Variants in ADAM12 observed in about 807,000 individuals in gnomAD.
ADAM12 encodes the protein disintegrin and metalloproteinase domain-containing protein 12.
ADAM12 carries 70 observed loss-of-function variants against 106.4 expected under a neutral mutation model. The ratio of observed to expected loss-of-function variants is 0.66; its 90% CI spans 0.54 to 0.80. The LOEUF (loss-of-function observed/expected upper bound fraction) is 0.80, where lower values mean the gene tolerates loss of function less well. ADAM12 is among the 30% of genes least tolerant of loss of function. The probability of loss-of-function intolerance (pLI) is 0.00; values close to 1 mark genes in which losing one functional copy is unlikely to be tolerated. For missense variants in ADAM12, 1,010 were observed against 1,171.9 expected (o/e 0.86, Z 2.02); for synonymous variants, 420 against 433.5 (o/e 0.97, Z 0.39).
intron 3 of ADAM12, among the ~76,000 whole-genome samples, chr10:126,277,484 G>C (rs1959321618): frequency 6.6e-6 from 1 of 152,014 alleles, no homozygotes; most frequent in Non-Finnish European, 1.5e-5. Context: ...AGCCTTAGAT[G>C]CTTTTGATCT....
intron 11 of ADAM12, among the ~76,000 whole-genome samples, chr10:126,092,120 T>A (rs1162096976): frequency 6.6e-6 from 1 of 152,232 alleles, no homozygotes; most frequent in Non-Finnish European, 1.5e-5. Flanking sequence ...CTCTCTTCCA[T>A]TGGTTTATCA....
At chr10:126,251,474 G>A (rs367898417) in intron 3 of ADAM12, among the ~76,000 whole-genome samples, 5 of 152,014 alleles carry the variant, frequency 3.3e-5, no homozygotes, top group African/African-American at 1.2e-4. Context: ...GGGATGGATG[G>A]GATGGACAGA....
chr10:126,244,528 G>T (rs935476698), intron 3 of ADAM12, among the ~76,000 whole-genome samples: 2 of 152,216 alleles, frequency 1.3e-5, no homozygotes, highest in African/African-American at 4.8e-5. Flanking sequence ...ATGGTGGGAA[G>T]TTTAGACTAG....
At chr10:126,076,932 G>C (rs1353759678) in intron 11 of ADAM12, among the ~76,000 whole-genome samples, 1 of 152,108 alleles carries the variant, frequency 6.6e-6, no homozygotes, top group Non-Finnish European at 1.5e-5. Context: ...AAAATAAAAG[G>C]CATCCAAATA....
chr10:126,041,921 C>A, intron 18 of ADAM12: 3 of 1,413,126 alleles, frequency 2.1e-6, no homozygotes, highest in Non-Finnish European at 1.8e-6. Flanking sequence ...AGAAGCTCAA[C>A]CAGGAAGTCG....
At chr10:126,050,679 G>A (rs1954458817) in intron 14 of ADAM12, among the ~76,000 whole-genome samples, 1 of 152,168 alleles carries the variant, frequency 6.6e-6, no homozygotes, top group Admixed American at 6.5e-5. Flanking sequence ...GGGAACAGAA[G>A]ATGTTCTTCT....
At chr10:126,360,654 A>C (rs896859190) in intron 1 of ADAM12, among the ~76,000 whole-genome samples, 4 of 152,206 alleles carry the variant, frequency 2.6e-5, no homozygotes, top group African/African-American at 9.6e-5. Flanking sequence ...TTTTGGTCAA[A>C]GCAATTCAAC....
intron 3 of ADAM12, among the ~76,000 whole-genome samples, chr10:126,170,195 G>T (rs117127544): frequency 3.9e-5 from 6 of 152,162 alleles, no homozygotes; most frequent in Non-Finnish European, 5.9e-5. Context: ...AACCAAACCC[G>T]TAGAATGTGT....
intron 22 of ADAM12, among the ~76,000 whole-genome samples, chr10:126,018,856 C>T (rs1014614515): frequency 1.3e-5 from 2 of 152,188 alleles, no homozygotes; most frequent in African/African-American, 4.8e-5. Context: ...GCTGCTTTCC[C>T]TTACTCCCCA....
At chr10:126,028,395 C>G (rs184396649) in intron 21 of ADAM12, among the ~76,000 whole-genome samples, 1 of 152,166 alleles carries the variant, frequency 6.6e-6, no homozygotes, top group African/African-American at 2.4e-5. Context: ...GGAGGCATCA[C>G]GCTACCTGAC....
At chr10:126,326,471 T>A (rs1004169509) in intron 2 of ADAM12, among the ~76,000 whole-genome samples, 1 of 152,128 alleles carries the variant, frequency 6.6e-6, no homozygotes, top group Admixed American at 6.5e-5. Context: ...CCTTAACACC[T>A]TGAATCCACG....
intron 3 of ADAM12, among the ~76,000 whole-genome samples, chr10:126,181,070 G>A (rs1488317233): frequency 6.9e-6 from 1 of 144,582 alleles, no homozygotes; most frequent in Non-Finnish European, 1.5e-5. Context: ...TGCTACATAG[G>A]GATTTTTTTT....
chr10:126,226,957 T>G (rs577029068), intron 3 of ADAM12, among the ~76,000 whole-genome samples: 1 of 152,326 alleles, frequency 6.6e-6, no homozygotes, highest in African/African-American at 2.4e-5. Flanking sequence ...TTCTCCTTGA[T>G]GCTTGTTCTC....
rs1959178049 is a variant in ADAM12 at position 126,271,790 on chromosome 10, T to C, written c.260+7125A>G. Among the ~76,000 whole-genome samples the C allele has an allele frequency of 2.6e-5, 4 of 152,272 alleles. 1 individual carries two copies. In the South Asian group the frequency reaches 8.3e-4, roughly 32 times the overall value. On this transcript the variant is annotated intron_variant, in intron 3 of 22. Coordinates refer to ENST00000448723, the MANE Select transcript of ADAM12 (RefSeq NM_001288973.2). ...CAAACAAATGAAAAGCAGAATCTTATCATGTCATTGTTCTGCCTACAGGCC... is the reference window on the plus strand; with the variant it reads ...CAAACAAATGAAAAGCAGAATCTTACCATGTCATTGTTCTGCCTACAGGCC...
chr10:126,328,714 A>G (rs904167911), intron 2 of ADAM12, among the ~76,000 whole-genome samples: 1 of 152,204 alleles, frequency 6.6e-6, no homozygotes, highest in African/African-American at 2.4e-5. Context: ...ATGCCCCTAC[A>G]TAACGTCACT....
intron 11 of ADAM12, among the ~76,000 whole-genome samples, chr10:126,080,840 C>T (rs574799817): frequency 6.6e-6 from 1 of 152,106 alleles, no homozygotes; most frequent in Admixed American, 6.5e-5. Context: ...CACAAAGCTG[C>T]CAAGTAAAAT....
intron 5 of ADAM12, among the ~76,000 whole-genome samples, chr10:126,134,914 T>A (rs1468336339): frequency 6.7e-6 from 1 of 148,590 alleles, no homozygotes; most frequent in Admixed American, 6.7e-5. Flanking sequence ...GATAAGCAAA[T>A]CCAGTAAAAA....
chr10:126,216,791 G>A (rs1405859174), intron 3 of ADAM12, among the ~76,000 whole-genome samples: 2 of 152,208 alleles, frequency 1.3e-5, no homozygotes, highest in Non-Finnish European at 2.9e-5. Flanking sequence ...GGGTGACCCC[G>A]GCAGAAGGCC....
At chr10:126,077,472 C>A (rs1003233641) in intron 11 of ADAM12, among the ~76,000 whole-genome samples, 1 of 152,142 alleles carries the variant, frequency 6.6e-6, no homozygotes, top group Non-Finnish European at 1.5e-5. Context: ...CCAGAGGTAT[C>A]ATATTATCTG....
Sources: allele counts gnomAD v4.1 joint callset (sites outside exome capture counted in the v4.1 genomes callset), GRCh38; gene constraint gnomAD v4.1.1; transcripts MANE v1.5; gene names NCBI Gene and HGNC (gene_info 2026-07-23, HGNC 2026-07-21).